Variants in GLIS1 observed in about 807,000 individuals in gnomAD.
The protein encoded by GLIS1 is GLIS family zinc finger 1.
A neutral mutation model predicts 63.8 loss-of-function variants in GLIS1; 24 were observed. The ratio of observed to expected loss-of-function variants is 0.38; its 90% confidence interval spans 0.27 to 0.53. The LOEUF is 0.53. Among genes scored for constraint, GLIS1 ranks in the 20% least tolerant of loss-of-function variants. The pLI, the probability that GLIS1 is intolerant of heterozygous loss-of-function variation, is 0.85. For missense variants in GLIS1, 1,036 were observed against 1,074.1 expected (o/e 0.96, Z 0.50); for synonymous variants, 450 against 482.5 (o/e 0.93, Z 0.88).
intron 4 of GLIS1, among the ~76,000 whole-genome samples, chr1:53,579,061 C>CA (rs55929702): frequency 0.23 from 29,877 of 129,208 alleles, 2,996 homozygotes; most frequent in East Asian, 0.35. Flanking sequence ...ATTTAAAATC[C>CA]AAAAAAAAAA....
At chr1:53,655,165 T>C (rs11590616) in intron 2 of GLIS1, among the ~76,000 whole-genome samples, 18,420 of 152,180 alleles carry the variant, frequency 0.12, 1,260 homozygotes, top group South Asian at 0.24. Flanking sequence ...ACCTGTACCT[T>C]CAGATGTAGG....
intron 4 of GLIS1, among the ~76,000 whole-genome samples, chr1:53,584,506 G>A (rs1645114835): frequency 6.6e-6 from 1 of 152,178 alleles, no homozygotes; most frequent in African/African-American, 2.4e-5. Flanking sequence ...TGTGTCAGAG[G>A]CATTTGGTTA....
intron 4 of GLIS1, among the ~76,000 whole-genome samples, chr1:53,546,569 T>C (rs927947694): frequency 1.3e-5 from 2 of 150,162 alleles, no homozygotes; most frequent in Non-Finnish European, 3.0e-5. Flanking sequence ...GCAGGTTTAT[T>C]GCAACGACTA....
chr1:53,654,682 A>G (rs1645945166), intron 2 of GLIS1, among the ~76,000 whole-genome samples: 1 of 152,128 alleles, frequency 6.6e-6, no homozygotes, highest in Admixed American at 6.5e-5. Context: ...ATCAGGGAGG[A>G]GGGAGCGAGC....
intron 2 of GLIS1, among the ~76,000 whole-genome samples, chr1:53,602,966 G>A (rs573723137): frequency 5.3e-5 from 8 of 152,286 alleles, no homozygotes; most frequent in South Asian, 2.1e-4. Flanking sequence ...CCGCTCCATC[G>A]ACAGATGAGG....
At chr1:53,734,191 C>T in intron 2 of GLIS1, 1 of 984,846 alleles carries the variant, frequency 1.0e-6, no homozygotes, top group South Asian at 4.7e-5. Context: ...TGCATCCAGT[C>T]TCAGTACACA....
intron 2 of GLIS1, among the ~76,000 whole-genome samples, chr1:53,667,555 T>A (rs915861055): frequency 4.6e-5 from 7 of 152,194 alleles, no homozygotes; most frequent in Non-Finnish European, 8.8e-5. Flanking sequence ...CTGAGCGAGC[T>A]TCAAAACACC....
At chr1:53,694,504 G>T (rs1018266518) in intron 2 of GLIS1, among the ~76,000 whole-genome samples, 3 of 152,166 alleles carry the variant, frequency 2.0e-5, no homozygotes, top group African/African-American at 7.2e-5. Flanking sequence ...TGACCTTCTG[G>T]GTACCAAGCT....
intron 3 of GLIS1, among the ~76,000 whole-genome samples, chr1:53,597,365 C>A (rs1310603580): frequency 7.2e-6 from 1 of 139,596 alleles, no homozygotes; most frequent in African/African-American, 2.7e-5. Flanking sequence ...ACAGCGAGAC[C>A]CAGAAAAAAA....
chr1:53,556,794 T>C (rs1365564556), intron 4 of GLIS1, among the ~76,000 whole-genome samples: 3 of 147,552 alleles, frequency 2.0e-5, no homozygotes, highest in Non-Finnish European at 4.5e-5. Flanking sequence ...TATGTGTGTA[T>C]GTGTGCAGGT....
At chr1:53,690,381 C>T (rs976776969) in intron 2 of GLIS1, among the ~76,000 whole-genome samples, 2 of 152,336 alleles carry the variant, frequency 1.3e-5, no homozygotes, top group South Asian at 2.1e-4. Flanking sequence ...ACAGCTGGGG[C>T]GGCTTCCACT....
rs558897882 is a variant in GLIS1, at chr1:53,533,266, C to G, written c.1321-3314G>C. 7.9e-5 allele frequency among the ~76,000 whole-genome samples: 12 copies of G among 152,324 alleles called. No individual in the cohort carries two copies. In the East Asian group the frequency reaches 1.4e-3, roughly 17 times the overall value. On this transcript the variant is annotated intron_variant, in intron 4 of 10. Coordinates refer to ENST00000628545, the MANE Select transcript of GLIS1 (RefSeq NM_001367484.1). ...CCCTGCACAGCCATGGCCTTCTCCC[C>G]ATGCCTCCAGGCTGAGAGTTTGAGA...
rs546448673 is a variant in GLIS1, at chr1:53,670,478, C to T, written c.259+67328G>A. On this transcript the variant is annotated intron_variant, in intron 2 of 10. Transcript: ENST00000628545. ...TGGGTCTCATTCATTGCTTCCTGCTCCAGATCCCAGTACACAGGAGGTGCT... is the reference window on the plus strand; with the variant it reads ...TGGGTCTCATTCATTGCTTCCTGCTTCAGATCCCAGTACACAGGAGGTGCT... 2.1e-4 allele frequency among the ~76,000 whole-genome samples: 32 copies of T among 152,316 alleles called. 1 individual carries two copies. In the South Asian group the frequency reaches 6.6e-3, roughly 32 times the overall value.
At chr1:53,663,404 T>TG (rs1646050980) in intron 2 of GLIS1, among the ~76,000 whole-genome samples, 2 of 152,220 alleles carry the variant, frequency 1.3e-5, no homozygotes, top group African/African-American at 4.8e-5. Flanking sequence ...GAACGGCTCC[T>TG]GGGTGCCAGG....
Position 53,539,496 on chromosome 1 carries a change from C to T in GLIS1, c.1321-9544G>A, listed in dbSNP as rs1421897605. ...ATACCTCCCACACACACGTACCACACCCCCAACATACACACACCACACCAC... is the reference window on the plus strand; with the variant it reads ...ATACCTCCCACACACACGTACCACATCCCCAACATACACACACCACACCAC... On this transcript the variant is annotated intron_variant, in intron 4 of 10. Transcript: ENST00000628545. This position sits in a 1 kb window ranked among gnomAD's most constrained non-coding sequence, Gnocchi z 5.0. 2.7e-5 allele frequency among the ~76,000 whole-genome samples: 4 copies of T among 149,698 alleles called. No individual in the cohort carries two copies. Among genetic ancestry groups the T allele is most frequent in the Middle Eastern group, 3.4e-3 (1 of 292 alleles).
At chr1:53,586,834 G>T (rs1382912673) in intron 4 of GLIS1, among the ~76,000 whole-genome samples, 1 of 152,172 alleles carries the variant, frequency 6.6e-6, no homozygotes, top group Non-Finnish European at 1.5e-5. Flanking sequence ...CACAGCCTTG[G>T]AACAGAGAGA....
intron 2 of GLIS1, among the ~76,000 whole-genome samples, chr1:53,695,164 C>T (rs1194715288): frequency 4.6e-5 from 7 of 152,196 alleles, no homozygotes; most frequent in Admixed American, 4.6e-4. Context: ...AAGAGGAAAG[C>T]CCCCAGGCTC....
chr1:53,696,974 G>A (rs1469271646), intron 2 of GLIS1, among the ~76,000 whole-genome samples: 1 of 152,194 alleles, frequency 6.6e-6, no homozygotes, highest in Non-Finnish European at 1.5e-5. Context: ...AGCCCCTCTC[G>A]AGATGCCCCT....
chr1:53,540,857 C>A (rs1644636911), intron 4 of GLIS1, among the ~76,000 whole-genome samples: 1 of 152,208 alleles, frequency 6.6e-6, no homozygotes, highest in Non-Finnish European at 1.5e-5. Context: ...CCACCCACTG[C>A]CTGAAAGAAA....
Sources: gnomAD v4.1 joint callset for allele counts (sites outside exome capture counted in the v4.1 genomes callset) on GRCh38, gnomAD v4.1.1 for gene constraint, Gnocchi (gnomAD v3.1) non-coding constraint, MANE v1.5 for transcripts, NCBI Gene and HGNC (gene_info 2026-07-23, HGNC 2026-07-21) for gene names.